The following TENT4B variants were observed in gnomAD, a reference collection of about 807,000 sequenced individuals.
TENT4B encodes the protein PAP associated domain containing 5.
Under a neutral mutation model 75.0 loss-of-function variants are expected in TENT4B, and 10 were observed. The observed-to-expected ratio is 0.13, with a 90% CI of 0.08 to 0.23. The LOEUF is 0.23. Ranked by LOEUF, TENT4B falls within the 10% of genes least tolerant of loss-of-function variation. The pLI, the probability that TENT4B is intolerant of heterozygous loss-of-function variation, is 1.00. For synonymous variants in TENT4B, 350 were observed against 357.7 expected, an observed-to-expected ratio of 0.98 and a Z score of 0.24; for missense variants, 579 against 893.8, an observed-to-expected ratio of 0.65 and a Z score of 4.49.
rs75077621 is a variant in TENT4B at position 50,184,964 on chromosome 16, C to T, written c.639-26359C>T. ...GTGTTAATTGAGCCTGTTGTGTTCT[C>T]ACATTCCCTGTACTTAGATGGAAAT... On this transcript the variant is annotated intron_variant, in intron 1 of 11. Coordinates refer to ENST00000561678, the MANE Select transcript of TENT4B (RefSeq NM_001365324.3). 3.8e-3 allele frequency among the ~76,000 whole-genome samples: 585 copies of T among 152,242 alleles called. 9 individuals are homozygous for T. The highest frequency in any genetic ancestry group is 0.014 in the African/African-American group (561 of 41,534).
At chr16:50,221,113 C>A (rs2031808517) in intron 5 of TENT4B, among the ~76,000 whole-genome samples, 1 of 151,964 alleles carries the variant, frequency 6.6e-6, no homozygotes, top group African/African-American at 2.4e-5. Flanking sequence ...GTGGTGAAAC[C>A]CTGTCTCTAC....
chr16:50,231,520 G>A lies in TENT4B; in HGVS notation c.*2192G>A. On this transcript the variant is annotated 3_prime_UTR_variant, in exon 12 of 12. Transcript: ENST00000561678. Reference sequence around the variant, plus strand: ...TTGTTGAAAGTAAATGTACTCTTAGGGTGCGAATATTAGTGTTCCAATAAG... The same window carrying A: ...TTGTTGAAAGTAAATGTACTCTTAGAGTGCGAATATTAGTGTTCCAATAAG... 1 of 985,670 alleles carries A rather than the reference G, an allele frequency of 1.0e-6. No individual in the cohort carries two copies. The highest frequency in any genetic ancestry group is 5.2e-4 in the Middle Eastern group (1 of 1,914). 61.1% of individuals were successfully genotyped at this position (985,670 alleles called of 1,614,324 possible). A position where few individuals can be genotyped will look rare whatever the true frequency, so the allele number is the denominator to read the frequency against.
intron 3 of TENT4B, among the ~76,000 whole-genome samples, chr16:50,214,577 A>AC (rs1243115264): frequency 6.6e-6 from 1 of 151,984 alleles, no homozygotes; most frequent in Non-Finnish European, 1.5e-5. Flanking sequence ...AATTGCTTGA[A>AC]CCCGGGAGGT....
Position 50,233,415 on chromosome 16 carries a change from A to G in TENT4B, c.*4087A>G. The G allele has an allele frequency of 1.0e-6, 1 of 985,450 alleles. No individual in the cohort carries two copies. 61.0% of individuals were successfully genotyped at this position (985,450 alleles called of 1,614,324 possible). ...AGATTTTACTGTAGAAGTTATTTAC[A>G]TGATTTGAAAACTTGACCTAACTGG... On this transcript the variant is annotated 3_prime_UTR_variant, in exon 12 of 12. Coordinates refer to ENST00000561678, the MANE Select transcript of TENT4B (RefSeq NM_001365324.3).
intron 1 of TENT4B, among the ~76,000 whole-genome samples, chr16:50,158,097 G>T (rs558744622): frequency 6.1e-5 from 9 of 148,614 alleles, no homozygotes; most frequent in Admixed American, 1.3e-4. Context: ...ATGAATGAAT[G>T]AATTAATGAG....
intron 1 of TENT4B, among the ~76,000 whole-genome samples, chr16:50,205,961 A>T (rs539668116): frequency 7.5e-4 from 114 of 152,094 alleles, no homozygotes; most frequent in African/African-American, 2.7e-3. Context: ...TTCCAATTTA[A>T]CATATTTGAC....
intron 1 of TENT4B, among the ~76,000 whole-genome samples, chr16:50,205,026 G>T (rs958546385): frequency 2.6e-5 from 4 of 152,138 alleles, no homozygotes; most frequent in Non-Finnish European, 5.9e-5. Context: ...TAGATTATTA[G>T]AGTAATTTAA....
At chr16:50,162,050 C>A (rs1350103189) in intron 1 of TENT4B, among the ~76,000 whole-genome samples, 1 of 152,158 alleles carries the variant, frequency 6.6e-6, no homozygotes, top group Non-Finnish European at 1.5e-5. Flanking sequence ...TAAATGGAAT[C>A]ATACAGAATG....
At chr16:50,226,164 T>A (rs2032044013) in intron 10 of TENT4B, among the ~76,000 whole-genome samples, 2 of 151,984 alleles carry the variant, frequency 1.3e-5, no homozygotes, top group South Asian at 4.2e-4. Flanking sequence ...CACACCCAGC[T>A]AATTTTTTGT....
chr16:50,234,550 TATA>T lies in TENT4B; in HGVS notation c.*5226_*5228del. 1 of 982,130 alleles carries T rather than the reference TATA, an allele frequency of 1.0e-6. No homozygotes were observed. The highest frequency in any genetic ancestry group is 1.2e-6 in the Non-Finnish European group (1 of 826,906). The allele number at this position is 982,130 out of a possible 1,614,324, so 60.8% of individuals were successfully genotyped here. ...CCTTTTATATTTAGTTGCAATTTAT[TATA>T]ATATGTTGTTTTGTCCCTGAACTTA... On this transcript the variant is annotated 3_prime_UTR_variant, in exon 12 of 12. Transcript: ENST00000561678.
chr16:50,205,182 C>T (rs1183787962), intron 1 of TENT4B, among the ~76,000 whole-genome samples: 3 of 152,082 alleles, frequency 2.0e-5, no homozygotes, highest in Non-Finnish European at 4.4e-5. Flanking sequence ...TTAACAGTAT[C>T]GTATATAGAC....
rs148313618 is a variant in TENT4B, at chr16:50,184,813, C to T, written c.639-26510C>T. Among the ~76,000 whole-genome samples, 665 of 152,200 alleles carry T rather than the reference C, an allele frequency of 4.4e-3. 5 individuals are homozygous for T. The highest frequency in any genetic ancestry group is 3.9e-3 in the Non-Finnish European group (262 of 68,020). ...GTAGTAGGCTTACTGCAGCCTCCTCCGCCCCCTGGTTCTAGTGATTCTTGT... is the reference window on the plus strand; with the variant it reads ...GTAGTAGGCTTACTGCAGCCTCCTCTGCCCCCTGGTTCTAGTGATTCTTGT... On this transcript the variant is annotated intron_variant, in intron 1 of 11. Coordinates refer to ENST00000561678, the MANE Select transcript of TENT4B (RefSeq NM_001365324.3).
intron 1 of TENT4B, among the ~76,000 whole-genome samples, chr16:50,186,446 C>T (rs1355784146): frequency 4.6e-5 from 7 of 152,162 alleles, no homozygotes; most frequent in Admixed American, 6.5e-5. Flanking sequence ...GTTAATATTA[C>T]ATTGTTTATA....
chr16:50,155,981 C>T (rs1185975965), intron 1 of TENT4B, among the ~76,000 whole-genome samples: 3 of 152,026 alleles, frequency 2.0e-5, no homozygotes, highest in African/African-American at 7.3e-5. Flanking sequence ...TTGTCCTCTC[C>T]TCTACTTGCT....
At chr16:50,180,920 A>C (rs2150695640) in intron 1 of TENT4B, among the ~76,000 whole-genome samples, 1 of 152,288 alleles carries the variant, frequency 6.6e-6, no homozygotes, top group African/African-American at 2.4e-5. Context: ...ATTAAAATAG[A>C]ATAGTTTTGC....
At position 50,234,783 on chromosome 16, in the gene TENT4B, T is replaced by C; in HGVS notation, c.*5455T>C. The C allele has an allele frequency of 1.6e-5, 16 of 985,502 alleles. No homozygotes were observed. Among genetic ancestry groups the C allele is most frequent in the Non-Finnish European group, 1.9e-5 (16 of 829,940 alleles). The allele number at this position is 985,502 out of a possible 1,614,324, so 61.0% of individuals were successfully genotyped here. ...TGGGTGAAAAGTGAGGGACGACCAG[T>C]GTAGTTTCTGGATATAAAGTGTGAA... On this transcript the variant is annotated 3_prime_UTR_variant, in exon 12 of 12. Coordinates refer to ENST00000561678, the MANE Select transcript of TENT4B (RefSeq NM_001365324.3).
At chr16:50,169,092 T>G (rs2038156441) in intron 1 of TENT4B, among the ~76,000 whole-genome samples, 1 of 152,240 alleles carries the variant, frequency 6.6e-6, no homozygotes, top group Non-Finnish European at 1.5e-5. Context: ...AATGTTCATA[T>G]TTCCTCCATT....
intron 1 of TENT4B, among the ~76,000 whole-genome samples, chr16:50,162,562 A>C (rs1375085130): frequency 6.6e-6 from 1 of 152,160 alleles, no homozygotes; most frequent in Non-Finnish European, 1.5e-5. Context: ...AGCCTCATCT[A>C]ATCTTAACTT....
chr16:50,160,049 G>A (rs759474633), intron 1 of TENT4B, among the ~76,000 whole-genome samples: 3 of 151,962 alleles, frequency 2.0e-5, no homozygotes, highest in African/African-American at 4.8e-5. Context: ...ACAGGCACCC[G>A]CCACCACACC....
Sources: allele counts gnomAD v4.1 joint callset (sites outside exome capture counted in the v4.1 genomes callset), GRCh38; gene constraint gnomAD v4.1.1; transcripts MANE v1.5; gene names NCBI Gene and HGNC (gene_info 2026-07-23, HGNC 2026-07-21).